Variants in TMPRSS7 observed in about 807,000 individuals in gnomAD.
TMPRSS7 encodes the protein transmembrane protease serine 7.
In TMPRSS7, 81 loss-of-function variants were observed where a neutral mutation model predicts 95.6. The observed-to-expected ratio is 0.85, with a 90% CI of 0.71 to 1.02. The LOEUF (loss-of-function observed/expected upper bound fraction) is 1.02, where lower values mean the gene tolerates loss of function less well. Ranked by LOEUF, TMPRSS7 falls within the 50% of genes least tolerant of loss-of-function variation. TMPRSS7 has a pLI of 0.00. For synonymous variants in TMPRSS7, 364 were observed against 337.8 expected, an observed-to-expected ratio of 1.08 and a Z score of -0.85; for missense variants, 945 against 955.2, an observed-to-expected ratio of 0.99 and a Z score of 0.14.
chr3:112,036,442 C>T (rs1576092433), intron 1 of TMPRSS7, among the ~76,000 whole-genome samples: 1 of 152,066 alleles, frequency 6.6e-6, no homozygotes, highest in African/African-American at 2.4e-5. Context: ...GTGGTGAGTG[C>T]CTGTAATCCC....
rs181370478 is a variant in TMPRSS7, at chr3:112,055,824, G to A, written c.1204-1201G>A. 2.0e-4 allele frequency among the ~76,000 whole-genome samples: 30 copies of A among 152,302 alleles called. No homozygotes were observed. In the East Asian group the frequency reaches 3.9e-3, roughly 20 times the overall value. ...ACGATGATCCACAAGATGTGATTACGTCAATTGTTTATGCAGCAAACAAAA... is the reference window on the plus strand; with the variant it reads ...ACGATGATCCACAAGATGTGATTACATCAATTGTTTATGCAGCAAACAAAA... On this transcript the variant is annotated intron_variant, in intron 9 of 17. Transcript: ENST00000452346.
At chr3:112,068,263 C>A (rs1576118203) in intron 13 of TMPRSS7, among the ~76,000 whole-genome samples, 1 of 152,280 alleles carries the variant, frequency 6.6e-6, no homozygotes, top group East Asian at 1.9e-4. Context: ...TAGCGTGATG[C>A]CCCCAACTTT....
At chr3:112,045,827 G>A in exon 5 of TMPRSS7, 4 of 1,551,758 alleles carry the variant, frequency 2.6e-6, no homozygotes, top group Non-Finnish European at 3.5e-6. Context: ...CACATCTTCT[G>A]TGAAGACTGT....
chr3:112,049,945 G>A (rs759325606), exon 8 of TMPRSS7: 15 of 1,572,926 alleles, frequency 9.5e-6, no homozygotes, highest in Admixed American at 6.8e-5. Context: ...TCAGGAATCC[G>A]GGCATATTTT....
chr3:112,063,395 A>G, intron 11 of TMPRSS7, 130 bp from the exon 12 acceptor site: 1 of 675,248 alleles, frequency 1.5e-6, no homozygotes, highest in Middle Eastern at 2.6e-4. Flanking sequence ...TTTGATGAAG[A>G]CACTATGTAA....
At chr3:112,068,498 G>T (rs1342718380) in intron 13 of TMPRSS7, among the ~76,000 whole-genome samples, 1 of 152,024 alleles carries the variant, frequency 6.6e-6, no homozygotes, top group Non-Finnish European at 1.5e-5. Flanking sequence ...CTTTCATTTT[G>T]TTGAGCAGTG....
At chr3:112,054,571 T>C (rs1018605469) in intron 9 of TMPRSS7, among the ~76,000 whole-genome samples, 1 of 152,104 alleles carries the variant, frequency 6.6e-6, no homozygotes, top group African/African-American at 2.4e-5. Context: ...CTCTGTGGAT[T>C]GGAAGGTAGT....
rs1021413336 is a variant in TMPRSS7, at chr3:112,068,157, G to A, written c.1666+1655G>A. 4.6e-5 allele frequency among the ~76,000 whole-genome samples: 7 copies of A among 152,280 alleles called. No individual in the cohort carries two copies. In the South Asian group the frequency reaches 1.5e-3, roughly 32 times the overall value. ...TGTACATGTGTGGTGTTATTTCTGAGGTCTCTGTTCTGTTCCATTGCTCTA... is the reference window on the plus strand; with the variant it reads ...TGTACATGTGTGGTGTTATTTCTGAAGTCTCTGTTCTGTTCCATTGCTCTA... On this transcript the variant is annotated intron_variant, in intron 13 of 17. Coordinates refer to ENST00000452346, the Ensembl canonical transcript of TMPRSS7.
intron 7 of TMPRSS7, 74 bp from the exon 8 acceptor site, chr3:112,049,769 GA>G: frequency 7.9e-7 from 1 of 1,257,902 alleles, no homozygotes; most frequent in Non-Finnish European, 1.1e-6. Flanking sequence ...GAAATGTGTG[GA>G]ATCGTTTTGA....
At chr3:112,052,899 G>A (rs1419090392) in intron 9 of TMPRSS7, among the ~76,000 whole-genome samples, 1 of 151,022 alleles carries the variant, frequency 6.6e-6, no homozygotes. Context: ...TGTTTTGCTA[G>A]GGGTTGGGGG....
intron 3 of TMPRSS7, among the ~76,000 whole-genome samples, chr3:112,042,325 A>G (rs2073219212): frequency 1.3e-5 from 2 of 152,246 alleles, no homozygotes; most frequent in South Asian, 4.1e-4. Flanking sequence ...AATTGGAATC[A>G]GATGACCTTT....
intron 3 of TMPRSS7, among the ~76,000 whole-genome samples, chr3:112,042,813 T>A (rs1307995226): frequency 1.3e-5 from 2 of 152,238 alleles, no homozygotes; most frequent in African/African-American, 2.4e-5. Flanking sequence ...GACTACTCCC[T>A]TAGGTGGTTT....
chr3:112,071,126 T>C (rs568067348), intron 13 of TMPRSS7, among the ~76,000 whole-genome samples: 5 of 152,228 alleles, frequency 3.3e-5, no homozygotes, highest in African/African-American at 1.2e-4. Context: ...CAGGAGCTCT[T>C]GTAAGGCAGG....
At chr3:112,053,197 T>C (rs1357890840) in intron 9 of TMPRSS7, among the ~76,000 whole-genome samples, 1 of 142,282 alleles carries the variant, frequency 7.0e-6, no homozygotes, top group Non-Finnish European at 1.5e-5. Context: ...AAAAAAAAAC[T>C]CGATGACTTA....
chr3:112,037,993 A>T, intron 1 of TMPRSS7, 79 bp from the exon 2 acceptor site: 1 of 659,204 alleles, frequency 1.5e-6, no homozygotes, highest in South Asian at 1.7e-5. Context: ...TTTAGTACCA[A>T]CATCTCCTGA....
At chr3:112,051,719 T>TC (rs746495378) in intron 9 of TMPRSS7, among the ~76,000 whole-genome samples, 85 of 151,980 alleles carry the variant, frequency 5.6e-4, no homozygotes, top group African/African-American at 1.9e-3. Context: ...TATCTATCTC[T>TC]CCCTCTGGTG....
intron 13 of TMPRSS7, among the ~76,000 whole-genome samples, chr3:112,068,530 A>G (rs151310143): frequency 0.043 from 6,533 of 152,164 alleles, 306 homozygotes; most frequent in South Asian, 0.22. Flanking sequence ...TCCTTGAAGA[A>G]GTCCTTCACA....
At chr3:112,069,457 G>A (rs1205733664) in intron 13 of TMPRSS7, among the ~76,000 whole-genome samples, 1 of 152,122 alleles carries the variant, frequency 6.6e-6, no homozygotes, top group Non-Finnish European at 1.5e-5. Flanking sequence ...TCTGGTCCTG[G>A]AATTTTTTTG....
At chr3:112,076,827 A>G (rs1186570654) in intron 15 of TMPRSS7, 49 bp from the exon 16 acceptor site, 2 of 1,588,174 alleles carry the variant, frequency 1.3e-6, no homozygotes, top group East Asian at 2.2e-5. Flanking sequence ...TGCAAACTGT[A>G]TGTGGTTCTT....
Sources: allele counts gnomAD v4.1 joint callset (sites outside exome capture counted in the v4.1 genomes callset), GRCh38; gene constraint gnomAD v4.1.1; transcripts MANE v1.5; gene names NCBI Gene and HGNC (gene_info 2026-07-23, HGNC 2026-07-21).